MAPK1IP1L: variants seen among roughly 807,000 people sequenced by gnomAD.
MAPK1IP1L encodes mitogen-activated protein kinase 1 interacting protein 1 like.
Under a neutral mutation model 18.1 loss-of-function variants are expected in MAPK1IP1L, and 10 were observed. The ratio of observed to expected loss-of-function variants is 0.55; its 90% confidence interval spans 0.34 to 0.94. The LOEUF (loss-of-function observed/expected upper bound fraction) is 0.94. Among genes scored for constraint, MAPK1IP1L ranks in the 40% least tolerant of loss-of-function variants. The pLI, the probability that MAPK1IP1L is intolerant of heterozygous loss-of-function variation, is 0.02. For synonymous variants in MAPK1IP1L, 115 were observed against 117.3 expected, an observed-to-expected ratio of 0.98 and a Z score of 0.13; for missense variants, 260 against 318.2, an observed-to-expected ratio of 0.82 and a Z score of 1.39.
rs1274631727 is a variant in MAPK1IP1L at position 55,068,510 on chromosome 14, A to G, written c.*3883A>G. ...ACCCTGAATGATAGAAGCTAGCTTT[A>G]TCAAATGCCAAGGTTAGAAAGCCTG... On this transcript the variant is annotated 3_prime_UTR_variant, in exon 4 of 4. Coordinates refer to ENST00000395468, the MANE Select transcript of MAPK1IP1L (RefSeq NM_144578.4). 2 of 152,628 alleles carry G rather than the reference A, an allele frequency of 1.3e-5. No individual in the cohort carries two copies. Among genetic ancestry groups the G allele is most frequent in the African/African-American group, 4.8e-5 (2 of 41,468 alleles). 9.5% of individuals were successfully genotyped at this position (152,628 alleles called of 1,614,324 possible).
In MAPK1IP1L at chr14:55,069,129, C is replaced by CT. The variant is rs1566766364; in HGVS notation, c.*4505dup. On this transcript the variant is annotated 3_prime_UTR_variant, in exon 4 of 4. Transcript: ENST00000395468. ...TTCACTTTACCCCTGGATAAAGGCACTTTCACTGCCTGTCACTGATCAGCA... is the reference window on the plus strand; with the variant it reads ...TTCACTTTACCCCTGGATAAAGGCACTTTTCACTGCCTGTCACTGATCAGCA... 6.6e-6 allele frequency: 1 copy of CT among 152,150 alleles called. No individual in the cohort carries two copies. The highest frequency in any genetic ancestry group is 2.4e-5 in the African/African-American group (1 of 41,404). 9.4% of individuals were successfully genotyped at this position (152,150 alleles called of 1,614,324 possible).
At chr14:55,064,129 G>C (rs1315783108) in intron 3 of MAPK1IP1L, among the ~76,000 whole-genome samples, 1 of 146,846 alleles carries the variant, frequency 6.8e-6, no homozygotes, top group Non-Finnish European at 1.5e-5. Flanking sequence ...TGAGTAGCTG[G>C]GATTACAGGC....
intron 1 of MAPK1IP1L, among the ~76,000 whole-genome samples, chr14:55,054,241 G>A (rs1268608366): frequency 1.4e-5 from 2 of 141,438 alleles, no homozygotes; most frequent in Non-Finnish European, 3.0e-5. Context: ...AGGTTCCAGC[G>A]ATTCTCCTGC....
chr14:55,058,175 T>C (rs1489133070), intron 1 of MAPK1IP1L, among the ~76,000 whole-genome samples: 1 of 152,088 alleles, frequency 6.6e-6, no homozygotes, highest in East Asian at 1.9e-4. Flanking sequence ...ATCTTTGGGA[T>C]ATGGGAGGAA....
intron 1 of MAPK1IP1L, among the ~76,000 whole-genome samples, chr14:55,052,420 C>T (rs990960082): frequency 6.6e-6 from 1 of 152,146 alleles, no homozygotes; most frequent in African/African-American, 2.4e-5. Context: ...CAGGGCAAAC[C>T]ACGAGAAGGG....
At chr14:55,060,094 C>T (rs2042804282) in intron 1 of MAPK1IP1L, among the ~76,000 whole-genome samples, 2 of 142,816 alleles carry the variant, frequency 1.4e-5, no homozygotes, top group South Asian at 2.3e-4. Flanking sequence ...AAATTTAAAA[C>T]TTTTGTATAA....
intron 2 of MAPK1IP1L, among the ~76,000 whole-genome samples, 171 bp downstream of exon 2, chr14:55,061,872 A>T (rs2042820440): frequency 6.6e-6 from 1 of 152,228 alleles, no homozygotes. Flanking sequence ...CAAGAGTTTC[A>T]GGCTGCAGTG....
At chr14:55,064,154 C>G (rs1439057878) in intron 3 of MAPK1IP1L, among the ~76,000 whole-genome samples, 2 of 151,584 alleles carry the variant, frequency 1.3e-5, no homozygotes, top group Non-Finnish European at 2.9e-5. Flanking sequence ...GCCACCACAC[C>G]GGCTCATTTT....
Position 55,054,529 on chromosome 14 carries a change from T to C in MAPK1IP1L, c.-5+2726T>C, listed in dbSNP as rs552542449. ...AATTTTGATTTCGCTTAATTTCGCC[T>C]AACAAATATCTAACATGTATATAGC... On this transcript the variant is annotated intron_variant, in intron 1 of 3. Transcript: ENST00000395468. Among the ~76,000 whole-genome samples, 41 of 152,386 alleles carry C rather than the reference T, an allele frequency of 2.7e-4. 3 individuals are homozygous for C. The South Asian group carries it at 8.3e-3, about 31-fold the overall frequency.
At position 55,064,878 on chromosome 14, in the gene MAPK1IP1L, G is replaced by A. The variant is rs1348847883; in HGVS notation, c.*251G>A. On this transcript the variant is annotated 3_prime_UTR_variant, in exon 4 of 4. Transcript: ENST00000395468. Reference sequence around the variant, plus strand: ...TTTGGTTTTCATGGAAAGTTAAAGTGATAAAGTATATTGAATAGTTCTTTG... The same window carrying A: ...TTTGGTTTTCATGGAAAGTTAAAGTAATAAAGTATATTGAATAGTTCTTTG... 3 of 389,510 alleles carry A rather than the reference G, an allele frequency of 7.7e-6. No homozygotes were observed. The highest frequency in any genetic ancestry group is 6.2e-5 in the African/African-American group (3 of 48,496). The allele number at this position is 389,510 out of a possible 1,614,324, so 24.1% of individuals were successfully genotyped here.
Position 55,065,320 on chromosome 14 carries a change from A to C in MAPK1IP1L, c.*693A>C, listed in dbSNP as rs2042853656. ...TTTTTTGTTTTTAATCCAGGCCAAC[A>C]TGTATGTAAATTAAATTTTTAGATA... On this transcript the variant is annotated 3_prime_UTR_variant, in exon 4 of 4. Coordinates refer to ENST00000395468, the MANE Select transcript of MAPK1IP1L (RefSeq NM_144578.4). 2 of 152,190 alleles carry C rather than the reference A, an allele frequency of 1.3e-5. No homozygotes were observed. The highest frequency in any genetic ancestry group is 2.9e-5 in the Non-Finnish European group (2 of 68,036). The allele number at this position is 152,190 out of a possible 1,614,324, so 9.4% of individuals were successfully genotyped here. A position where few individuals can be genotyped will look rare whatever the true frequency, so the allele number is the denominator to read the frequency against.
At chr14:55,053,552 T>A (rs1181724492) in intron 1 of MAPK1IP1L, among the ~76,000 whole-genome samples, 5 of 152,240 alleles carry the variant, frequency 3.3e-5, no homozygotes, top group Non-Finnish European at 7.3e-5. Flanking sequence ...GCCTGTTCTT[T>A]ATAGTTCGGG....
chr14:55,056,580 G>A (rs2042773124), intron 1 of MAPK1IP1L, among the ~76,000 whole-genome samples: 1 of 152,124 alleles, frequency 6.6e-6, no homozygotes, highest in African/African-American at 2.4e-5. Flanking sequence ...CTTGATCTCA[G>A]CTCACTGCAA....
chr14:55,061,585 T>C (rs1305185314), intron 1 of MAPK1IP1L, 95 bp from the exon 2 acceptor site: 3 of 799,650 alleles, frequency 3.8e-6, no homozygotes, highest in South Asian at 1.6e-5. Context: ...GTAATAATAA[T>C]GTATGCATAG....
intron 1 of MAPK1IP1L, among the ~76,000 whole-genome samples, chr14:55,054,566 T>A (rs550055133): frequency 6.6e-6 from 1 of 152,244 alleles, no homozygotes; most frequent in Non-Finnish European, 1.5e-5. Flanking sequence ...CTTTATAGAT[T>A]AAGTGTGTTA....
At chr14:55,064,540 C>A in intron 3 of MAPK1IP1L, 76 bp from the exon 4 acceptor site, 1 of 1,310,692 alleles carries the variant, frequency 7.6e-7, no homozygotes, top group Non-Finnish European at 1.1e-6. Flanking sequence ...AATAAATTTA[C>A]TTTAAGCCAC....
rs2042836568 is a variant in MAPK1IP1L, at chr14:55,063,466, C to T, written c.726+141C>T. The T allele has an allele frequency of 5.1e-5, 36 of 704,354 alleles. 1 individual carries two copies. In the South Asian group the frequency reaches 7.6e-4, roughly 15 times the overall value. 43.6% of individuals were successfully genotyped at this position (704,354 alleles called of 1,614,324 possible). A position where few individuals can be genotyped will look rare whatever the true frequency, so the allele number is the denominator to read the frequency against. ...GTGTGTATATTAAATAAGTAAATTTCAAACCTTCAGGTAAAGCATTTAAAA... is the reference window on the plus strand; with the variant it reads ...GTGTGTATATTAAATAAGTAAATTTTAAACCTTCAGGTAAAGCATTTAAAA... On this transcript the variant is annotated intron_variant, in intron 3 of 3. Coordinates refer to ENST00000395468, the MANE Select transcript of MAPK1IP1L (RefSeq NM_144578.4).
chr14:55,051,714 C>G lies in MAPK1IP1L; in HGVS notation c.-94C>G, dbSNP rs375878355. 10 of 516,196 alleles carry G rather than the reference C, an allele frequency of 1.9e-5. No homozygotes were observed. Among genetic ancestry groups the G allele is most frequent in the African/African-American group, 1.6e-4 (8 of 51,548 alleles). 32.0% of individuals were successfully genotyped at this position (516,196 alleles called of 1,614,324 possible). A position where few individuals can be genotyped will look rare whatever the true frequency, so the allele number is the denominator to read the frequency against. On this transcript the variant is annotated 5_prime_UTR_variant, in exon 1 of 4. Transcript: ENST00000395468. ...CTGTTGCCGCCGCTGCTCTAGCTGC[C>G]GTCAGTCAGGCTGCGCCCGCGTCTT...
Position 55,067,474 on chromosome 14 carries a change from A to T in MAPK1IP1L, c.*2847A>T, listed in dbSNP as rs916465798. 4 of 150,906 alleles carry T rather than the reference A, an allele frequency of 2.7e-5. No homozygotes were observed. Among genetic ancestry groups the T allele is most frequent in the African/African-American group, 9.8e-5 (4 of 40,952 alleles). The allele number at this position is 150,906 out of a possible 1,614,324, so 9.3% of individuals were successfully genotyped here. ...ACCCAGGCTGGAGTGCAATGGCGTGATCTTGGCTCGCTGCAACCTCTGCCT... is the reference window on the plus strand; with the variant it reads ...ACCCAGGCTGGAGTGCAATGGCGTGTTCTTGGCTCGCTGCAACCTCTGCCT... On this transcript the variant is annotated 3_prime_UTR_variant, in exon 4 of 4. Transcript: ENST00000395468.
Sources: gnomAD v4.1 joint callset for allele counts (sites outside exome capture counted in the v4.1 genomes callset) on GRCh38, gnomAD v4.1.1 for gene constraint, MANE v1.5 for transcripts, NCBI Gene and HGNC (gene_info 2026-07-23, HGNC 2026-07-21) for gene names.